Variants in SORCS1 observed in about 807,000 individuals in gnomAD.
The protein encoded by SORCS1 is sortilin related VPS10 domain containing receptor 1, also known as VPS10 domain-containing receptor SorCS1.
In SORCS1, 60 loss-of-function variants were observed where a neutral mutation model predicts 146.1. That is an observed-to-expected ratio of 0.41 (90% confidence interval 0.33 to 0.51). SORCS1 has a LOEUF of 0.51. Among genes scored for constraint, SORCS1 ranks in the 20% least tolerant of loss-of-function variants. The probability of loss-of-function intolerance (pLI) is 0.21; values close to 1 mark genes in which losing one functional copy is unlikely to be tolerated. For missense variants in SORCS1, 1,352 were observed against 1,487.6 expected (o/e 0.91, Z 1.50); for synonymous variants, 637 against 584.0 (o/e 1.09, Z -1.31).
chr10:106,944,104 T>G (rs2138793379), intron 2 of SORCS1, among the ~76,000 whole-genome samples: 1 of 152,340 alleles, frequency 6.6e-6, no homozygotes, highest in South Asian at 2.1e-4. Context: ...TCTTACTTCT[T>G]GTTTCACTGA....
At chr10:106,987,686 A>T (rs1956543180) in intron 1 of SORCS1, among the ~76,000 whole-genome samples, 2 of 152,108 alleles carry the variant, frequency 1.3e-5, no homozygotes, top group African/African-American at 4.8e-5. Context: ...ATCCCTCTCC[A>T]GTGCCCTCAA....
intron 18 of SORCS1, among the ~76,000 whole-genome samples, chr10:106,648,744 C>T (rs1849637759): frequency 6.6e-6 from 1 of 152,106 alleles, no homozygotes; most frequent in Admixed American, 6.6e-5. Flanking sequence ...GGCGTTGGTC[C>T]CTGGCTAGGG....
At position 106,957,203 on chromosome 10, in the gene SORCS1, C is replaced by T. The variant is rs534173140; in HGVS notation, c.559-623G>A. Among the ~76,000 whole-genome samples, 9 of 136,388 alleles carry T rather than the reference C, an allele frequency of 6.6e-5. No homozygotes were observed. The East Asian group carries it at 2.0e-3, about 31-fold the overall frequency. 89.5% of individuals were successfully genotyped at this position (136,388 alleles called of 152,430 possible). A position where few individuals can be genotyped will look rare whatever the true frequency, so the allele number is the denominator to read the frequency against. ...TTTTTTTTGGAGATAGAGTTTCGCT[C>T]GCTCGTGTTGCCCATACTGGAGTGC... is the stretch of plus-strand genomic sequence containing the variant. On this transcript the variant is annotated intron_variant, in intron 1 of 25. Coordinates refer to ENST00000263054, the MANE Select transcript of SORCS1 (RefSeq NM_052918.5).
At chr10:107,165,381 C>T (rs116053318), upstream of SORCS1, among the ~76,000 whole-genome samples, 63 of 151,504 alleles carry the variant, frequency 4.2e-4, no homozygotes, top group African/African-American at 1.4e-3. This position sits in a 1 kb window ranked among gnomAD's most constrained non-coding sequence, Gnocchi z 4.0. Flanking sequence ...TCCTAACCTC[C>T]TAAAGCATTC....
intron 6 of SORCS1, among the ~76,000 whole-genome samples, chr10:106,729,766 G>A (rs1002280637): frequency 2.0e-5 from 3 of 152,006 alleles, no homozygotes; most frequent in Non-Finnish European, 2.9e-5. Flanking sequence ...AGACTATTTT[G>A]TATTACTGAA....
intron 8 of SORCS1, 56 bp from the exon 9 acceptor site, chr10:106,699,449 G>T: frequency 6.7e-7 from 1 of 1,482,898 alleles, no homozygotes. Flanking sequence ...CATTAACCTG[G>T]CAGGCATCCA....
chr10:106,850,575 C>T (rs1039019924), intron 2 of SORCS1, among the ~76,000 whole-genome samples: 17 of 152,118 alleles, frequency 1.1e-4, no homozygotes, highest in East Asian at 3.9e-4. Context: ...AGCTGTAGAC[C>T]GGAGCTGTTC....
chr10:106,966,065 C>T (rs925784750), intron 1 of SORCS1, among the ~76,000 whole-genome samples: 1 of 152,178 alleles, frequency 6.6e-6, no homozygotes, highest in South Asian at 2.1e-4. Context: ...TGGCTGCTGC[C>T]GGATCAGGGG....
At chr10:106,733,111 A>AAAAAAGAAAAG (rs1856718964) in intron 5 of SORCS1, among the ~76,000 whole-genome samples, 1 of 148,088 alleles carries the variant, frequency 6.8e-6, no homozygotes, top group African/African-American at 2.5e-5. Context: ...CCATTTCAAA[A>AAAAAAGAAAAG]AAAAGAAAAG....
At chr10:106,656,488 G>A (rs1451306776) in intron 17 of SORCS1, among the ~76,000 whole-genome samples, 3 of 152,082 alleles carry the variant, frequency 2.0e-5, no homozygotes, top group Non-Finnish European at 4.4e-5. Flanking sequence ...CCTGGGAGGC[G>A]GAGCTTGCAG....
At chr10:106,662,971 G>A (rs909063864) in intron 17 of SORCS1, among the ~76,000 whole-genome samples, 7 of 152,164 alleles carry the variant, frequency 4.6e-5, no homozygotes, top group East Asian at 3.8e-4. Context: ...GGTCTGAGAC[G>A]TACCCAGTTG....
intron 17 of SORCS1, among the ~76,000 whole-genome samples, chr10:106,661,060 C>T (rs556329920): frequency 6.6e-6 from 1 of 152,280 alleles, no homozygotes; most frequent in East Asian, 1.9e-4. Context: ...AATTTAGCAA[C>T]TTAAATTTTG....
intron 2 of SORCS1, among the ~76,000 whole-genome samples, chr10:106,880,795 G>A (rs1477869503): frequency 3.3e-5 from 5 of 151,972 alleles, no homozygotes; most frequent in African/African-American, 1.2e-4. Context: ...AGGCCATTTC[G>A]AAAGCAGAAT....
intron 6 of SORCS1, among the ~76,000 whole-genome samples, chr10:106,725,272 G>A (rs570823890): frequency 7.9e-5 from 12 of 152,140 alleles, no homozygotes; most frequent in Non-Finnish European, 1.3e-4. Context: ...GAATGGGGTC[G>A]GGCGCAGTGG....
intron 2 of SORCS1, among the ~76,000 whole-genome samples, chr10:106,854,587 ATT>A (rs1465461478): frequency 6.6e-6 from 1 of 151,350 alleles, no homozygotes; most frequent in Non-Finnish European, 1.5e-5. Context: ...ATACGAATTT[ATT>A]TTCTCTCCTT....
chr10:107,120,508 C>G (rs1966335906), intron 1 of SORCS1, among the ~76,000 whole-genome samples: 1 of 152,124 alleles, frequency 6.6e-6, no homozygotes. Context: ...CTAAGCAAAT[C>G]ACAGCAGTGA....
chr10:106,703,134 A>G (rs1486957909), intron 8 of SORCS1, among the ~76,000 whole-genome samples: 6 of 152,080 alleles, frequency 3.9e-5, no homozygotes, highest in Non-Finnish European at 7.4e-5. Flanking sequence ...TATTCTAAGT[A>G]ACACATATGA....
chr10:106,850,536 C>T (rs1949521179), intron 2 of SORCS1, among the ~76,000 whole-genome samples: 1 of 152,072 alleles, frequency 6.6e-6, no homozygotes, highest in South Asian at 2.1e-4. Flanking sequence ...ATGCAGAAAT[C>T]ACCCGTCTTC....
intron 5 of SORCS1, among the ~76,000 whole-genome samples, chr10:106,756,600 C>T (rs1323276363): frequency 6.6e-6 from 1 of 152,184 alleles, no homozygotes; most frequent in Non-Finnish European, 1.5e-5. Context: ...ATTATGCTGT[C>T]TCTTACATGA....
Sources: allele counts gnomAD v4.1 joint callset (sites outside exome capture counted in the v4.1 genomes callset), GRCh38; gene constraint gnomAD v4.1.1; non-coding constraint Gnocchi (gnomAD v3.1); transcripts MANE v1.5; gene names NCBI Gene and HGNC (gene_info 2026-07-23, HGNC 2026-07-21).